PLXND1: variants seen among roughly 807,000 people sequenced by gnomAD.
PLXND1 encodes the protein plexin D1, also known as plexin-D1.
A neutral mutation model predicts 197.7 loss-of-function variants in PLXND1; 54 were observed. That is an observed-to-expected ratio of 0.27 (90% CI 0.22 to 0.34). PLXND1 has a LOEUF of 0.34. Ranked by LOEUF, PLXND1 falls within the 10% of genes least tolerant of loss-of-function variation. PLXND1 has a pLI of 1.00. For synonymous variants in PLXND1, 1,180 were observed against 1,161.2 expected (o/e 1.02, Z -0.33); for missense variants, 2,127 against 2,699.2 (o/e 0.79, Z 4.70).
In PLXND1 at chr3:129,567,508, C is replaced by A; in HGVS notation, c.4070G>T (p.Arg1357Leu). 6.3e-7 allele frequency: 1 copy of A among 1,599,236 alleles called. No individual in the cohort carries two copies. The highest frequency in any genetic ancestry group is 2.2e-5 in the East Asian group (1 of 44,508). The change falls in exon 22 of 36, where the codon CGC becomes CTC. Residue 1357 changes from arginine (R) to leucine (L), a missense_variant. Arg to Leu is a moderately radical substitution (Grantham distance 102). Around this residue, in one of 6 missense-constraint regions of PLXND1, gnomAD observed 532 missense variants for 811.0 expected, o/e 0.66. Coordinates refer to ENST00000324093, the MANE Select transcript of PLXND1 (RefSeq NM_015103.3). The part of the protein sequence containing the change: ...PFLEYKHFVT[R>L]TFFPKCSSLY... Reference sequence around the variant, plus strand: ...CGGGCTGACCTTGGGGAAGAAGGTGCGGGTCACGAAGTGCTTATACTCCAG... The same window carrying A: ...CGGGCTGACCTTGGGGAAGAAGGTGAGGGTCACGAAGTGCTTATACTCCAG...
Position 129,606,346 on chromosome 3 carries a change from C to G in PLXND1, c.294G>C (p.Val98=), listed in dbSNP as rs745459529. 7.9e-5 allele frequency: 116 copies of G among 1,473,362 alleles called. No individual in the cohort carries two copies. Among genetic ancestry groups the G allele is most frequent in the Non-Finnish European group, 9.9e-5 (111 of 1,120,932 alleles). 91.3% of individuals were successfully genotyped at this position (1,473,362 alleles called of 1,614,324 possible). Residue 98 remains valine, a synonymous_variant, in exon 1 of 36, where the codon GTG becomes GTC. Coordinates refer to ENST00000324093, the MANE Select transcript of PLXND1 (RefSeq NM_015103.3). ...GAGCGTGACACAGCGGGCTGTCGGGCACCGGGCCCACGGCCGCCTCGGCCT... is the reference window on the plus strand; with the variant it reads ...GAGCGTGACACAGCGGGCTGTCGGGGACCGGGCCCACGGCCGCCTCGGCCT... ...SLEAEAAVGP[V]PDSPLCHAPQ... is the part of the protein sequence containing the mutation.
intron 8 of PLXND1, among the ~76,000 whole-genome samples, chr3:129,578,890 C>T (rs2085350632): frequency 6.6e-6 from 1 of 152,192 alleles, no homozygotes; most frequent in Non-Finnish European, 1.5e-5. Context: ...AAAAGAGAAA[C>T]CTTGGGCTTC....
Position 129,557,056 on chromosome 3 carries a change from C to A in PLXND1, c.5586+27G>T. The stretch of plus-strand genomic sequence containing the variant: ...CCCGATCCCTCAGCTCTTCAGGCCC[C>A]CATCCCCCGCCGCCGAGCCACCGCA... On this transcript the variant is annotated intron_variant, in intron 34 of 35. Transcript: ENST00000324093. The surrounding 1 kb of genome is among the most constrained non-coding windows in gnomAD (Gnocchi z 4.8). The A allele has an allele frequency of 6.2e-7, 1 of 1,611,726 alleles. No individual in the cohort carries two copies. The highest frequency in any genetic ancestry group is 8.5e-7 in the Non-Finnish European group (1 of 1,179,626).
intron 2 of PLXND1, 38 bp downstream of exon 2, chr3:129,589,313 C>CCCCCCCCCCCCCCCCCCA: frequency 1.7e-6 from 1 of 592,308 alleles, no homozygotes; most frequent in Non-Finnish European, 3.0e-6. Context: ...GGGAGCCTCC[C>CCCCCCCCCCCCCCCCCCA]ACCCCCACCC....
Position 129,567,812 on chromosome 3 carries a change from G to A in PLXND1, c.3866-7C>T, listed in dbSNP as rs753498869. On this transcript the variant is annotated splice_polypyrimidine_tract_variant and splice_region_variant and intron_variant, in intron 20 of 35. Transcript: ENST00000324093. Reference sequence around the variant, plus strand: ...GTACAGAAGACGAACAGGGCTGCGGGCAGTGGAGAGGCAGGTCAGGCCTCT... The same window carrying A: ...GTACAGAAGACGAACAGGGCTGCGGACAGTGGAGAGGCAGGTCAGGCCTCT... 3.8e-6 allele frequency: 6 copies of A among 1,575,996 alleles called. No homozygotes were observed. The highest frequency in any genetic ancestry group is 1.7e-4 in the Middle Eastern group (1 of 5,984).
rs2085792016 is a variant in PLXND1 at position 129,606,234 on chromosome 3, G to C, written c.406C>G (p.Leu136Val). ...KILQLDPGQG[L>V]VVVCGSIYQG... is the part of the protein sequence containing the mutation. ...TAGATGGACCCGCACACGACTACCA[G>C]GCCCTGGCCGGGGTCCAGCTGCAGG... The change falls in exon 1 of 36, where the codon CTG becomes GTG. Residue 136 changes from leucine (L) to valine (V), a missense_variant. Coordinates refer to ENST00000324093, the MANE Select transcript of PLXND1 (RefSeq NM_015103.3). 4.4e-6 allele frequency: 7 copies of C among 1,575,528 alleles called. No homozygotes were observed. The highest frequency in any genetic ancestry group is 6.0e-6 in the Non-Finnish European group (7 of 1,165,844).
intron 23 of PLXND1, 83 bp from the exon 24 acceptor site, chr3:129,566,100 T>C (rs1291922644): frequency 4.8e-6 from 7 of 1,463,782 alleles, no homozygotes; most frequent in African/African-American, 1.4e-5. Context: ...CGACGGCTGC[T>C]TGTATGCCTC....
At chr3:129,556,862 A>G in intron 34 of PLXND1, 171 bp from the exon 35 acceptor site, 3 of 686,772 alleles carry the variant, frequency 4.4e-6, no homozygotes, top group South Asian at 1.8e-5. Context: ...CGGACCCTGA[A>G]GTCCAATCTC....
rs910599090 is a variant in PLXND1, at chr3:129,606,391, C to T, written c.249G>A (p.Ser83=). 6.6e-7 allele frequency: 1 copy of T among 1,513,466 alleles called. No homozygotes were observed. Among genetic ancestry groups the T allele is most frequent in the Non-Finnish European group, 8.8e-7 (1 of 1,139,156 alleles). 93.8% of individuals were successfully genotyped at this position (1,513,466 alleles called of 1,614,324 possible). A position where few individuals can be genotyped will look rare whatever the true frequency, so the allele number is the denominator to read the frequency against. Residue 83 remains serine, a synonymous_variant, in exon 1 of 36, where the codon TCG becomes TCA. Coordinates refer to ENST00000324093, the MANE Select transcript of PLXND1 (RefSeq NM_015103.3). ...CGGCCTCCAGGCTCAGGTTGGCGCC[C>T]GACAGCTGATAGAGGCGGTTGACGG... ...LAAVNRLYQL[S]GANLSLEAEA...
rs749594802 is a variant in PLXND1 at position 129,589,443 on chromosome 3, A to C, written c.1396T>G (p.Phe466Val). The change falls in exon 2 of 36, where the codon TTC becomes GTC. Residue 466 changes from phenylalanine to valine, a missense_variant. Phe to Val is a conservative substitution (Grantham distance 50). Around this residue, in one of 6 missense-constraint regions of PLXND1, gnomAD observed 1,095 missense variants for 1,259.8 expected, o/e 0.87. Coordinates refer to ENST00000324093, the MANE Select transcript of PLXND1 (RefSeq NM_015103.3). ...ACGGAGGTGAGGCCCGGGGCGCGGA[A>C]CACGGGCGTGGCCTTCAGGGGCTGC... is the stretch of plus-strand genomic sequence containing the variant. ...ILQPLKATPV[F>V]RAPGLTSVAV... The C allele has an allele frequency of 6.2e-7, 1 of 1,611,628 alleles. No individual in the cohort carries two copies. The highest frequency in any genetic ancestry group is 8.5e-7 in the Non-Finnish European group (1 of 1,179,406).
chr3:129,560,606 T>A, intron 30 of PLXND1, 83 bp downstream of exon 30: 2 of 1,161,932 alleles, frequency 1.7e-6, no homozygotes, highest in Non-Finnish European at 2.6e-6. Context: ...GGAGCACTTT[T>A]CCCAAGAGGC....
intron 1 of PLXND1, among the ~76,000 whole-genome samples, 169 bp downstream of exon 1, chr3:129,605,160 C>G (rs2085765203): frequency 6.6e-6 from 1 of 152,154 alleles, no homozygotes; most frequent in South Asian, 2.1e-4. Flanking sequence ...TAGTACCCCT[C>G]GGGGGACACC....
At chr3:129,578,635 C>T (rs11708809) in intron 8 of PLXND1, 59,279 of 569,470 alleles carry the variant, frequency 0.1, 4,036 homozygotes, top group East Asian at 0.27. Flanking sequence ...CGCATTGGCC[C>T]TGTTTAAAGA....
Position 129,556,410 on chromosome 3 carries a change from C to A in PLXND1, c.5680G>T (p.Ala1894Ser). ...TGTGTCCTCCGGGCCGTGGGGTTGG[C>A]CTCCAGCGCGGCCATGATCTGAGGG... The part of the protein sequence containing the change: ...YRPQIMAALE[A>S]NPTARRTQLQ... Residue 1894 changes from alanine to serine, a missense_variant, in exon 36 of 36, where the codon GCC becomes TCC. Physicochemically the swap from Ala to Ser is moderately conservative, Grantham distance 99. This residue lies in a region of PLXND1 where 200 missense variants were observed against 303.3 expected (regional missense o/e 0.66). Coordinates refer to ENST00000324093, the MANE Select transcript of PLXND1 (RefSeq NM_015103.3). 1 of 1,614,130 alleles carries A rather than the reference C, an allele frequency of 6.2e-7. No homozygotes were observed. The highest frequency in any genetic ancestry group is 8.5e-7 in the Non-Finnish European group (1 of 1,179,950).
rs960469510 is a variant in PLXND1 at position 129,555,587 on chromosome 3, A to C, written c.*725T>G. 3.1e-5 allele frequency: 20 copies of C among 643,210 alleles called. No homozygotes were observed. In the Admixed American group the frequency reaches 5.8e-4, roughly 19 times the overall value. The allele number at this position is 643,210 out of a possible 1,614,324, so 39.8% of individuals were successfully genotyped here. A position where few individuals can be genotyped will look rare whatever the true frequency, so the allele number is the denominator to read the frequency against. On this transcript the variant is annotated 3_prime_UTR_variant, in exon 36 of 36. Transcript: ENST00000324093. ...TGCTATCTTTAGAAACACTTTCAGC[A>C]AGATCAAGTAGCCCAGCTACAGCCT... is the stretch of plus-strand genomic sequence containing the variant.
intron 1 of PLXND1, among the ~76,000 whole-genome samples, chr3:129,599,421 C>T (rs1021457636): frequency 1.3e-5 from 2 of 152,156 alleles, no homozygotes; most frequent in Non-Finnish European, 2.9e-5. Context: ...GGAAGTTGGC[C>T]CCAGGGTCCT....
chr3:129,606,344 G>A lies in PLXND1; in HGVS notation c.296C>T (p.Pro99Leu). The A allele has an allele frequency of 6.8e-7, 1 of 1,477,668 alleles. No homozygotes were observed. The highest frequency in any genetic ancestry group is 8.9e-7 in the Non-Finnish European group (1 of 1,122,596). 91.5% of individuals were successfully genotyped at this position (1,477,668 alleles called of 1,614,324 possible). ...CGGAGCGTGACACAGCGGGCTGTCG[G>A]GCACCGGGCCCACGGCCGCCTCGGC... ...LEAEAAVGPV[P>L]DSPLCHAPQL... The change falls in exon 1 of 36, where the codon CCC becomes CTC. Residue 99 changes from proline (P) to leucine (L), a missense_variant. By Grantham distance (98) the Pro-to-Leu change is moderately conservative (BLOSUM62 -3). This residue lies in a region of PLXND1 where 245 missense variants were observed against 267.1 expected (regional missense o/e 0.92). Transcript: ENST00000324093.
intron 29 of PLXND1, chr3:129,560,949 T>C: frequency 3.0e-6 from 2 of 662,208 alleles, no homozygotes; most frequent in East Asian, 2.9e-5. Context: ...AGACTGAGTC[T>C]GGGAGAGACG....
Position 129,571,706 on chromosome 3 carries a change from C to T in PLXND1, c.3216G>A (p.Thr1072=), listed in dbSNP as rs149899422. Residue 1072 remains threonine (T), a synonymous_variant, in exon 16 of 36, where the codon ACG becomes ACA. Coordinates refer to ENST00000324093, the MANE Select transcript of PLXND1 (RefSeq NM_015103.3). ...CAGGGCTGCGGCGGGGACTGATGGCCGTGATGACCGGGTTCTGCATGTACC... is the reference window on the plus strand; with the variant it reads ...CAGGGCTGCGGCGGGGACTGATGGCTGTGATGACCGGGTTCTGCATGTACC... ...TFWYMQNPVI[T]AISPRRSPVS... 2.2e-4 allele frequency: 363 copies of T among 1,613,818 alleles called. 2 individuals carry two copies. The African/African-American group carries it at 2.9e-3, about 13-fold the overall frequency.
Sources: gnomAD v4.1 joint callset for allele counts (sites outside exome capture counted in the v4.1 genomes callset) on GRCh38, gnomAD v4.1.1 for gene constraint, gnomAD v4.1.1 regional missense constraint, Gnocchi (gnomAD v3.1) non-coding constraint, MANE v1.5 for transcripts, NCBI Gene and HGNC (gene_info 2026-07-23, HGNC 2026-07-21) for gene names.